KCTD16: variants seen among roughly 807,000 people sequenced by gnomAD.
The protein encoded by KCTD16 is potassium channel tetramerization domain containing 16, also known as BTB/POZ domain-containing protein KCTD16.
Under a neutral mutation model 33.2 loss-of-function variants are expected in KCTD16, and 13 were observed. The ratio of observed to expected loss-of-function variants is 0.39; its 90% CI spans 0.25 to 0.62. KCTD16 has a LOEUF of 0.62. KCTD16 is among the 20% of genes least tolerant of loss of function. The pLI is 0.50. For synonymous variants in KCTD16, 197 were observed against 195.3 expected (o/e 1.01, Z -0.07); for missense variants, 441 against 525.1 (o/e 0.84, Z 1.57).
intron 3 of KCTD16, among the ~76,000 whole-genome samples, chr5:144,354,611 T>C (rs1751530603): frequency 6.6e-6 from 1 of 152,212 alleles, no homozygotes; most frequent in Non-Finnish European, 1.5e-5. Flanking sequence ...TATTTTATGT[T>C]GAAATTAAGA....
chr5:144,192,112 A>G (rs540217583), intron 2 of KCTD16, among the ~76,000 whole-genome samples: 198 of 152,316 alleles, frequency 1.3e-3, no homozygotes, highest in Non-Finnish European at 2.2e-3. Flanking sequence ...ACAAGTGGAA[A>G]GAAATTAGTA....
At chr5:144,321,816 G>A (rs1026715068) in intron 3 of KCTD16, among the ~76,000 whole-genome samples, 8 of 152,118 alleles carry the variant, frequency 5.3e-5, no homozygotes, top group African/African-American at 1.7e-4. Context: ...TTTCAAGCAT[G>A]TCTTCTCAGA....
At chr5:144,371,676 G>A (rs1441663924) in intron 3 of KCTD16, among the ~76,000 whole-genome samples, 1 of 151,838 alleles carries the variant, frequency 6.6e-6, no homozygotes, top group Admixed American at 6.6e-5. Context: ...TGGCACTGAT[G>A]TTCATGGAAA....
intron 3 of KCTD16, among the ~76,000 whole-genome samples, chr5:144,455,722 A>G (rs776751050): frequency 1.3e-5 from 2 of 152,208 alleles, no homozygotes; most frequent in Non-Finnish European, 2.9e-5. Flanking sequence ...CAAGACTGCC[A>G]AGTTTAGAGA....
chr5:144,198,763 A>T (rs7714980), intron 2 of KCTD16, among the ~76,000 whole-genome samples: 128,281 of 152,186 alleles, frequency 0.84, 54,572 homozygotes, highest in African/African-American at 0.96. Context: ...TTAAATGAAC[A>T]AATTATCAAT....
In KCTD16 at chr5:144,184,758, T is replaced by C. The variant is rs370324321; in HGVS notation, c.-327+10286T>C. The stretch of plus-strand genomic sequence containing the variant: ...ATTATGGTTTTTATTTGCATTTCCC[T>C]GATGATTAGTGATGTTGAGCATCTT... On this transcript the variant is annotated intron_variant, in intron 2 of 3. Coordinates refer to ENST00000512467, the MANE Select transcript of KCTD16 (RefSeq NM_020768.4). Among the ~76,000 whole-genome samples, 21 of 152,336 alleles carry C rather than the reference T, an allele frequency of 1.4e-4. No individual in the cohort carries two copies. The East Asian group carries it at 3.9e-3, about 28-fold the overall frequency.
At chr5:144,412,374 A>G (rs1752951504) in intron 3 of KCTD16, among the ~76,000 whole-genome samples, 1 of 152,236 alleles carries the variant, frequency 6.6e-6, no homozygotes, top group Non-Finnish European at 1.5e-5. Flanking sequence ...ATTTGCAGCT[A>G]CATAAATGAA....
chr5:144,401,033 A>G (rs1177945565), intron 3 of KCTD16, among the ~76,000 whole-genome samples: 2 of 152,178 alleles, frequency 1.3e-5, no homozygotes, highest in Admixed American at 1.3e-4. Context: ...AGGCAGGGAC[A>G]TATCATGAGA....
chr5:144,225,237 CT>C (rs1485754288), intron 3 of KCTD16, among the ~76,000 whole-genome samples: 2 of 151,790 alleles, frequency 1.3e-5, no homozygotes, highest in Non-Finnish European at 2.9e-5. Context: ...GATTTTTTTT[CT>C]TCTTTTCCTC....
intron 3 of KCTD16, among the ~76,000 whole-genome samples, chr5:144,343,544 T>A: frequency 6.6e-6 from 1 of 152,046 alleles, no homozygotes; most frequent in Non-Finnish European, 1.5e-5. Context: ...CTGGATTCAT[T>A]AATTTTTTGA....
intron 3 of KCTD16, among the ~76,000 whole-genome samples, chr5:144,278,827 G>A (rs977758808): frequency 6.6e-6 from 1 of 152,088 alleles, no homozygotes; most frequent in South Asian, 2.1e-4. Context: ...ATTAGAAACA[G>A]CTTGTCACTA....
At position 144,307,640 on chromosome 5, in the gene KCTD16, T is replaced by A. The variant is rs547288578; in HGVS notation, c.832+100094T>A. The stretch of plus-strand genomic sequence containing the variant: ...GAGTTTGAACCCATTTATCTCTGAC[T>A]TTAAAGTCCATGCTTCTCATCACTA... On this transcript the variant is annotated intron_variant, in intron 3 of 3. Coordinates refer to ENST00000512467, the MANE Select transcript of KCTD16 (RefSeq NM_020768.4). Among the ~76,000 whole-genome samples, 4 of 152,362 alleles carry A rather than the reference T, an allele frequency of 2.6e-5. No homozygotes were observed. In the South Asian group the frequency reaches 8.3e-4, roughly 32 times the overall value.
intron 3 of KCTD16, among the ~76,000 whole-genome samples, chr5:144,285,290 T>C (rs1755714395): frequency 6.6e-6 from 1 of 152,224 alleles, no homozygotes. Context: ...AAAATAACAA[T>C]GACACAAATG....
intron 3 of KCTD16, among the ~76,000 whole-genome samples, chr5:144,244,190 C>G (rs562377172): frequency 1.3e-5 from 2 of 152,256 alleles, no homozygotes; most frequent in East Asian, 3.9e-4. Flanking sequence ...AAAATCTCTT[C>G]TCAACATCTT....
chr5:144,232,070 G>T (rs1754118378), intron 3 of KCTD16, among the ~76,000 whole-genome samples: 1 of 151,988 alleles, frequency 6.6e-6, no homozygotes, highest in African/African-American at 2.4e-5. Context: ...ATATACCTTT[G>T]CCCCCTTTTG....
At chr5:144,243,724 C>G (rs1387523202) in intron 3 of KCTD16, among the ~76,000 whole-genome samples, 2 of 151,980 alleles carry the variant, frequency 1.3e-5, no homozygotes, top group Admixed American at 1.3e-4. Context: ...ACTTCTGTCC[C>G]CATGAATACT....
Position 144,285,962 on chromosome 5 carries a change from C to CTT in KCTD16, c.832+78434_832+78435dup, listed in dbSNP as rs34103216. 8.9e-3 allele frequency among the ~76,000 whole-genome samples: 1,046 copies of CTT among 117,468 alleles called. 18 individuals carry two copies. The highest frequency in any genetic ancestry group is 0.032 in the African/African-American group (992 of 30,924). The allele number at this position is 117,468 out of a possible 152,430, so 77.1% of individuals were successfully genotyped here. A position where few individuals can be genotyped will look rare whatever the true frequency, so the allele number is the denominator to read the frequency against. ...TGATTTTAATGGCTGCCATCCTAAT[C>CTT]TTTTTTTTTTTTTTTTTTTCAGATA... On this transcript the variant is annotated intron_variant, in intron 3 of 3. Coordinates refer to ENST00000512467, the MANE Select transcript of KCTD16 (RefSeq NM_020768.4).
chr5:144,219,127 G>A (rs1753654243), intron 3 of KCTD16, among the ~76,000 whole-genome samples: 2 of 152,212 alleles, frequency 1.3e-5, no homozygotes, highest in South Asian at 4.1e-4. Context: ...TGGCAGCGTT[G>A]TGAGAACTAA....
chr5:144,259,648 T>C (rs1046688123), intron 3 of KCTD16, among the ~76,000 whole-genome samples: 1 of 152,216 alleles, frequency 6.6e-6, no homozygotes, highest in Non-Finnish European at 1.5e-5. Flanking sequence ...TTAGGGCATA[T>C]TGTAACCTGC....
Sources: allele counts gnomAD v4.1 joint callset (sites outside exome capture counted in the v4.1 genomes callset), GRCh38; gene constraint gnomAD v4.1.1; transcripts MANE v1.5; gene names NCBI Gene and HGNC (gene_info 2026-07-23, HGNC 2026-07-21).